MYO16: variants seen among roughly 807,000 people sequenced by gnomAD.
The protein encoded by MYO16 is unconventional myosin-XVI.
A neutral mutation model predicts 205.3 loss-of-function variants in MYO16; 94 were observed. The observed-to-expected ratio is 0.46, with a 90% CI of 0.39 to 0.54. MYO16 has a LOEUF of 0.54. Ranked by LOEUF, MYO16 falls within the 20% of genes least tolerant of loss-of-function variation. The pLI is 0.00. For synonymous variants in MYO16, 988 were observed against 954.0 expected, an observed-to-expected ratio of 1.04 and a Z score of -0.66; for missense variants, 2,315 against 2,387.5, an observed-to-expected ratio of 0.97 and a Z score of 0.63.
chr13:109,160,428 G>C (rs1449420996), intron 32 of MYO16, among the ~76,000 whole-genome samples: 1 of 152,176 alleles, frequency 6.6e-6, no homozygotes, highest in African/African-American at 2.4e-5. Context: ...ATCCTGATGT[G>C]ATTCAATTCT....
rs1878707129 is a variant in MYO16 at position 108,866,217 on chromosome 13, A to G, written c.1400A>G (p.Lys467Arg). The G allele has an allele frequency of 1.2e-6, 2 of 1,603,234 alleles. No homozygotes were observed. The highest frequency in any genetic ancestry group is 1.7e-6 in the Non-Finnish European group (2 of 1,173,296). The change falls in exon 12 of 35, where the codon AAG (lysine) becomes AGG (arginine). Residue 467 changes from lysine (K) to arginine (R), a missense_variant. Coordinates refer to ENST00000457511, the MANE Select transcript of MYO16 (RefSeq NM_001198950.3). ...ATTCTTTTGCTTGTTAACCCATACAAGGAGCTTCCAATTTATTCTTCCATG... is the reference window on the plus strand; with the variant it reads ...ATTCTTTTGCTTGTTAACCCATACAGGGAGCTTCCAATTTATTCTTCCATG... ...GDILLLVNPY[K>R]ELPIYSSMVS...
At chr13:108,599,852 A>G in intron 1 of MYO16, among the ~76,000 whole-genome samples, 1 of 152,176 alleles carries the variant, frequency 6.6e-6, no homozygotes, top group Non-Finnish European at 1.5e-5. Flanking sequence ...CTTTCTTTGT[A>G]GCCTTGTACA....
intron 7 of MYO16, among the ~76,000 whole-genome samples, chr13:108,815,489 A>T (rs551067279): frequency 2.0e-5 from 3 of 152,218 alleles, no homozygotes; most frequent in East Asian, 1.9e-4. Flanking sequence ...TGCTTTGAAG[A>T]TGGTGGAAGG....
At chr13:108,603,490 ATAT>A (rs915784230) in intron 1 of MYO16, among the ~76,000 whole-genome samples, 1 of 152,154 alleles carries the variant, frequency 6.6e-6, no homozygotes, top group African/African-American at 2.4e-5. Context: ...CTTTGAAATA[ATAT>A]TTATATTATC....
chr13:108,620,098 TA>T (rs1879486450), intron 1 of MYO16, among the ~76,000 whole-genome samples: 1 of 152,110 alleles, frequency 6.6e-6, no homozygotes, highest in African/African-American at 2.4e-5. Flanking sequence ...CCTCATCTGT[TA>T]AAAAAGTATT....
chr13:109,009,946 A>T (rs950877892), intron 22 of MYO16, among the ~76,000 whole-genome samples: 1 of 152,200 alleles, frequency 6.6e-6, no homozygotes, highest in Non-Finnish European at 1.5e-5. Context: ...TGTATACTTA[A>T]TTGTATACGG....
intron 32 of MYO16, among the ~76,000 whole-genome samples, chr13:109,143,460 A>C (rs1877195204): frequency 6.6e-6 from 1 of 152,206 alleles, no homozygotes; most frequent in Non-Finnish European, 1.5e-5. Context: ...AAGGAACAAA[A>C]TGGATAAGAG....
upstream of MYO16, among the ~76,000 whole-genome samples, chr13:108,628,030 G>A (rs1431505206): frequency 6.6e-6 from 1 of 152,132 alleles, no homozygotes; most frequent in Non-Finnish European, 1.5e-5. Context: ...GTAAAGATTT[G>A]TATTGATTTA....
intron 21 of MYO16, among the ~76,000 whole-genome samples, chr13:109,007,110 C>G (rs921956569): frequency 6.6e-6 from 1 of 152,122 alleles, no homozygotes. Context: ...CACTGCTAGC[C>G]AGGGGCGGTG....
Position 109,125,163 on chromosome 13 carries a change from G to A in MYO16, c.3587G>A (p.Arg1196Lys). 3 of 1,614,148 alleles carry A rather than the reference G, an allele frequency of 1.9e-6. No individual in the cohort carries two copies. The highest frequency in any genetic ancestry group is 2.5e-6 in the Non-Finnish European group (3 of 1,180,008). ...RQHLLQRISI[R>K]QQEVTSINSF... ...CACCTGCTTCAGAGAATAAGCATCA[G>A]ACAACAAGAGGTGACTTCTATCAAT... Residue 1196 changes from arginine to lysine, a missense_variant, in exon 30 of 35, where the codon AGA (arginine) becomes AAA (lysine). By Grantham distance (26) the Arg-to-Lys change is conservative. This residue lies in a region of MYO16 where 1,097 missense variants were observed against 1,092.0 expected (regional missense o/e 1.00). Transcript: ENST00000457511. This position sits in a 1 kb window ranked among gnomAD's most constrained non-coding sequence, Gnocchi z 4.0.
At chr13:108,530,612 A>G in the MYO16 span, among the ~76,000 whole-genome samples, 2 of 152,208 alleles carry the variant, frequency 1.3e-5, no homozygotes, top group Admixed American at 1.3e-4. Context: ...GAGACAGAAT[A>G]TGTCTGTTTT....
At chr13:109,183,419 G>A (rs575699730) in intron 34 of MYO16, among the ~76,000 whole-genome samples, 1 of 152,286 alleles carries the variant, frequency 6.6e-6, no homozygotes, top group Admixed American at 6.5e-5. Flanking sequence ...AGAAGGGGAC[G>A]CAGAAACAAA....
At chr13:108,779,273 G>A (rs903319002) in intron 4 of MYO16, among the ~76,000 whole-genome samples, 2 of 152,154 alleles carry the variant, frequency 1.3e-5, no homozygotes, top group African/African-American at 2.4e-5. Context: ...TGTCTTGTTA[G>A]CATCCAGCCA....
chr13:108,644,159 T>C (rs1360293852), intron 1 of MYO16, among the ~76,000 whole-genome samples: 1 of 152,168 alleles, frequency 6.6e-6, no homozygotes, highest in Non-Finnish European at 1.5e-5. Context: ...ATTCCTGAGC[T>C]CATTCTGCTT....
At chr13:109,074,603 T>C (rs1888029664) in intron 27 of MYO16, among the ~76,000 whole-genome samples, 1 of 151,932 alleles carries the variant, frequency 6.6e-6, no homozygotes, top group Non-Finnish European at 1.5e-5. Flanking sequence ...TCGTGAGAAC[T>C]CAACATCAGG....
At chr13:108,697,993 G>A (rs1045383191) in intron 2 of MYO16, among the ~76,000 whole-genome samples, 3 of 152,166 alleles carry the variant, frequency 2.0e-5, no homozygotes, top group Non-Finnish European at 4.4e-5. Context: ...AAAGTGCTGG[G>A]ATTACAGGTG....
intron 9 of MYO16, 85 bp downstream of exon 9, chr13:108,823,363 C>A: frequency 3.1e-6 from 4 of 1,286,018 alleles, no homozygotes; most frequent in East Asian, 2.3e-5. Context: ...GACTCTCAGC[C>A]AAAGAGTTAG....
At chr13:109,165,609 A>G (rs761867545) in intron 33 of MYO16, among the ~76,000 whole-genome samples, 37 of 152,216 alleles carry the variant, frequency 2.4e-4, no homozygotes, top group Non-Finnish European at 4.1e-4. Context: ...GGCCTCCCGC[A>G]GGGCTGGGAA....
At chr13:108,820,172 C>T (rs748141723) in intron 7 of MYO16, among the ~76,000 whole-genome samples, 165 bp from the exon 8 acceptor site, 1 of 152,144 alleles carries the variant, frequency 6.6e-6, no homozygotes, top group African/African-American at 2.4e-5. Context: ...GAGTATCTGA[C>T]ATTTTTAGAA....
Sources: allele counts gnomAD v4.1 joint callset (sites outside exome capture counted in the v4.1 genomes callset), GRCh38; gene constraint gnomAD v4.1.1; regional missense constraint gnomAD v4.1.1; non-coding constraint Gnocchi (gnomAD v3.1); transcripts MANE v1.5; gene names NCBI Gene and HGNC (gene_info 2026-07-23, HGNC 2026-07-21).